Variants in PTPN14 observed in about 807,000 individuals in gnomAD.
PTPN14 encodes the protein tyrosine-protein phosphatase non-receptor type 14.
PTPN14 carries 53 observed loss-of-function variants against 126.8 expected under a neutral mutation model. The ratio of observed to expected loss-of-function variants is 0.42; its 90% CI spans 0.34 to 0.53. The LOEUF is 0.53. Ranked by LOEUF, PTPN14 falls within the 20% of genes least tolerant of loss-of-function variation. The pLI, the probability that PTPN14 is intolerant of heterozygous loss-of-function variation, is 0.08. For synonymous variants in PTPN14, 630 were observed against 599.3 expected (o/e 1.05, Z -0.75); for missense variants, 1,257 against 1,552.9 (o/e 0.81, Z 3.20).
chr1:214,412,792 T>C (rs778914613), intron 4 of PTPN14, among the ~76,000 whole-genome samples: 16 of 152,212 alleles, frequency 1.1e-4, no homozygotes, highest in East Asian at 1.9e-4. Flanking sequence ...GATCCTCCAA[T>C]ATCCAGGATG....
At chr1:214,405,852 G>A (rs1242947153) in intron 5 of PTPN14, among the ~76,000 whole-genome samples, 1 of 152,044 alleles carries the variant, frequency 6.6e-6, no homozygotes. Context: ...CTCATTTTTA[G>A]ATGAGAAAAC....
chr1:214,405,757 G>A (rs1659152657), intron 5 of PTPN14, among the ~76,000 whole-genome samples: 1 of 152,058 alleles, frequency 6.6e-6, no homozygotes, highest in South Asian at 2.1e-4. Context: ...TTTACCATGT[G>A]GCAACTTGTA....
intron 1 of PTPN14, among the ~76,000 whole-genome samples, chr1:214,501,115 C>G (rs1397888628): frequency 6.6e-6 from 1 of 152,162 alleles, no homozygotes; most frequent in Admixed American, 6.5e-5. Context: ...TAGCGCAATT[C>G]GTCTCATGGA....
intron 1 of PTPN14, among the ~76,000 whole-genome samples, chr1:214,525,023 A>G (rs1388592038): frequency 2.0e-5 from 3 of 152,214 alleles, no homozygotes; most frequent in East Asian, 3.8e-4. Context: ...TCATGTTGCA[A>G]TTCCCAAAAG....
chr1:214,487,337 T>C (rs1371910162), intron 1 of PTPN14, among the ~76,000 whole-genome samples: 2 of 152,046 alleles, frequency 1.3e-5, no homozygotes, highest in African/African-American at 4.8e-5. Context: ...CAAAGACTAT[T>C]ACATCCAGCT....
At chr1:214,391,239 C>T (rs1463856374) in intron 10 of PTPN14, among the ~76,000 whole-genome samples, 194 bp from the exon 11 acceptor site, 2 of 151,478 alleles carry the variant, frequency 1.3e-5, no homozygotes, top group African/African-American at 2.4e-5. Flanking sequence ...TCAAAATGTT[C>T]GGATAAGGAT....
intron 1 of PTPN14, among the ~76,000 whole-genome samples, chr1:214,480,153 T>C (rs979479388): frequency 1.3e-5 from 2 of 152,256 alleles, no homozygotes; most frequent in African/African-American, 4.8e-5. Flanking sequence ...ATTCTTTCAT[T>C]GGAATAGATT....
chr1:214,499,738 T>C (rs990395902), intron 1 of PTPN14, among the ~76,000 whole-genome samples: 6 of 152,142 alleles, frequency 3.9e-5, no homozygotes, highest in African/African-American at 1.4e-4. Context: ...AAATGAATGC[T>C]CCATAAATTT....
intron 1 of PTPN14, among the ~76,000 whole-genome samples, chr1:214,485,926 C>T (rs1233346315): frequency 1.3e-5 from 2 of 152,086 alleles, no homozygotes; most frequent in African/African-American, 4.8e-5. Context: ...CGGGGTTTCA[C>T]CATGTTAGCC....
chr1:214,546,121 A>G (rs1342882178), intron 1 of PTPN14, among the ~76,000 whole-genome samples: 2 of 152,338 alleles, frequency 1.3e-5, no homozygotes, highest in Middle Eastern at 3.4e-3. Flanking sequence ...GGGTGAACCA[A>G]GCAAGACTTC....
chr1:214,542,842 G>A (rs951671776), intron 1 of PTPN14, among the ~76,000 whole-genome samples: 3 of 152,132 alleles, frequency 2.0e-5, no homozygotes, highest in East Asian at 3.9e-4. Context: ...ATCATTTGTG[G>A]AGAACCTTAA....
rs144221544 is a variant in PTPN14 at position 214,477,656 on chromosome 1, C to T, written c.-154-12699G>A. Among the ~76,000 whole-genome samples the T allele has an allele frequency of 3.2e-4, 49 of 152,272 alleles. No individual in the cohort carries two copies. The East Asian group carries it at 9.5e-3, about 29-fold the overall frequency. On this transcript the variant is annotated intron_variant, in intron 1 of 18. Transcript: ENST00000366956. The stretch of plus-strand genomic sequence containing the variant: ...TGCATCCGTGCTGAGCAAGCCTGGG[C>T]CTCTAGAGATGAGATACTGCATGTG...
At chr1:214,447,745 C>T (rs972596412) in intron 3 of PTPN14, among the ~76,000 whole-genome samples, 3 of 152,202 alleles carry the variant, frequency 2.0e-5, no homozygotes, top group Admixed American at 6.5e-5. Context: ...TAATCCAACT[C>T]CTAACTTTCA....
At chr1:214,519,488 A>G (rs1000251064) in intron 1 of PTPN14, among the ~76,000 whole-genome samples, 9 of 152,090 alleles carry the variant, frequency 5.9e-5, no homozygotes, top group African/African-American at 1.9e-4. Context: ...TAATATACTG[A>G]AGTAACTTCC....
rs186609660 is a variant in PTPN14 at position 214,541,607 on chromosome 1, G to A, written c.-155+9576C>T. On this transcript the variant is annotated intron_variant, in intron 1 of 18. Coordinates refer to ENST00000366956, the MANE Select transcript of PTPN14 (RefSeq NM_005401.5). ...GCAGGCCACAGGGTTCCAGTGACTT[G>A]GGTAACAGATGTTATTCTTAGCTCA... Among the ~76,000 whole-genome samples the A allele has an allele frequency of 1.4e-3, 215 of 152,252 alleles. 1 individual carries two copies. The highest frequency in any genetic ancestry group is 5.7e-3 in the Admixed American group (87 of 15,278).
At chr1:214,446,834 T>C (rs1260537200) in intron 3 of PTPN14, among the ~76,000 whole-genome samples, 2 of 152,146 alleles carry the variant, frequency 1.3e-5, no homozygotes, top group Non-Finnish European at 1.5e-5. Context: ...ATAGAACCTG[T>C]TCTCAAACAG....
chr1:214,368,802 G>A (rs1267050342), intron 17 of PTPN14, among the ~76,000 whole-genome samples: 3 of 152,128 alleles, frequency 2.0e-5, no homozygotes, highest in African/African-American at 4.8e-5. Context: ...GGCGAACATG[G>A]TGAAACCTCA....
intron 1 of PTPN14, chr1:214,533,319 C>A: frequency 1.8e-6 from 1 of 552,350 alleles, no homozygotes; most frequent in East Asian, 4.3e-5. Context: ...CCACCTACCG[C>A]TGCCTGCTGG....
At chr1:214,529,203 G>T (rs1655478195) in intron 1 of PTPN14, 1 of 152,204 alleles carries the variant, frequency 6.6e-6, no homozygotes, top group Non-Finnish European at 1.5e-5. Context: ...TGTAGCCCCA[G>T]ATACACAGGA....
Sources: gnomAD v4.1 joint callset for allele counts (sites outside exome capture counted in the v4.1 genomes callset) on GRCh38, gnomAD v4.1.1 for gene constraint, MANE v1.5 for transcripts, NCBI Gene and HGNC (gene_info 2026-07-23, HGNC 2026-07-21) for gene names.